ETV3: variants seen among roughly 807,000 people sequenced by gnomAD.
ETV3 encodes ETS variant transcription factor 3.
A neutral mutation model predicts 33.0 loss-of-function variants in ETV3; 8 were observed. The observed-to-expected ratio is 0.24, with a 90% CI of 0.14 to 0.44. The LOEUF is 0.44. ETV3 is among the 20% of genes least tolerant of loss of function. The pLI is 1.00. For synonymous variants in ETV3, 222 were observed against 238.9 expected, an observed-to-expected ratio of 0.93 and a Z score of 0.65; for missense variants, 473 against 652.3, an observed-to-expected ratio of 0.73 and a Z score of 2.99.
At position 157,125,085 on chromosome 1, in the gene ETV3, C is replaced by T; in HGVS notation, c.1295G>A (p.Trp432Ter). The T allele has an allele frequency of 6.5e-7, 1 of 1,545,926 alleles. No individual in the cohort carries two copies. Among genetic ancestry groups the T allele is most frequent in the Non-Finnish European group, 8.7e-7 (1 of 1,143,924 alleles). ...TGGGGTGCTAATGGGCACAGAGGGCCAGATGGGTGGTGCAGCAGGACGGGC... is the reference window on the plus strand; with the variant it reads ...TGGGGTGCTAATGGGCACAGAGGGCTAGATGGGTGGTGCAGCAGGACGGGC... ...IFARPAAPPI[W>*]PSVPISTPSG... Residue 432 changes from tryptophan to a stop codon, truncating the protein, a stop_gained, in exon 5 of 5, where the codon TGG becomes TAG. Coordinates refer to ENST00000368192, the MANE Select transcript of ETV3 (RefSeq NM_001145312.3). LOFTEE classifies it high-confidence loss of function. The surrounding 1 kb of genome is among the most constrained non-coding windows in gnomAD (Gnocchi z 4.0).
At chr1:157,133,529 AG>A (rs1346423407) in intron 4 of ETV3, 1 of 985,884 alleles carries the variant, frequency 1.0e-6, no homozygotes, top group Non-Finnish European at 1.2e-6. Context: ...AGGAAAGTCA[AG>A]AGGGGAAGCC....
At chr1:157,131,976 CTTTA>C (rs1181225557) in intron 4 of ETV3, among the ~76,000 whole-genome samples, 1 of 152,200 alleles carries the variant, frequency 6.6e-6, no homozygotes, top group African/African-American at 2.4e-5. Context: ...TTTCCTTGTG[CTTTA>C]TTGAGACTGA....
At chr1:157,128,774 ATGAC>A (rs1242980232) in intron 4 of ETV3, 1 of 156,924 alleles carries the variant, frequency 6.4e-6, no homozygotes, top group African/African-American at 2.4e-5. Flanking sequence ...CAGATCATGA[ATGAC>A]TGACAGATTT....
chr1:157,133,692 C>T, intron 4 of ETV3: 1 of 994,190 alleles, frequency 1.0e-6, no homozygotes, highest in Non-Finnish European at 1.2e-6. Flanking sequence ...ATGATATTCA[C>T]TTGATAAGGG....
rs974807290 is a variant in ETV3, at chr1:157,138,298, G to A, written c.-14+18C>T. 3.3e-5 allele frequency: 5 copies of A among 152,126 alleles called. No homozygotes were observed. The highest frequency in any genetic ancestry group is 7.2e-5 in the African/African-American group (3 of 41,426). 9.4% of individuals were successfully genotyped at this position (152,126 alleles called of 1,614,324 possible). On this transcript the variant is annotated intron_variant, in intron 1 of 4. Transcript: ENST00000368192. ...CCAACCCAGACACCCCGGCGGCCGA[G>A]GCGAGGCCGGGACTCACCTCTTCCC...
chr1:157,135,695 A>T lies in ETV3; in HGVS notation c.60T>A (p.Pro20=). The change falls in exon 3 of 5, where the codon CCT becomes CCA. Residue 20 remains proline (P), a synonymous_variant. Transcript: ENST00000368192. ...KPEGGGGYQF[P]DWAYKTESSP... Reference sequence around the variant, plus strand: ...ATGACTCTGTTTTGTAGGCCCAGTCAGGAAACTGATACCCTTTCATGTGAG... The same window carrying T: ...ATGACTCTGTTTTGTAGGCCCAGTCTGGAAACTGATACCCTTTCATGTGAG... 2 of 1,614,224 alleles carry T rather than the reference A, an allele frequency of 1.2e-6. No homozygotes were observed. The highest frequency in any genetic ancestry group is 1.7e-6 in the Non-Finnish European group (2 of 1,180,034).
rs895140896 is a variant in ETV3, at chr1:157,124,613, C to T, written c.*228G>A. 1 of 446,846 alleles carries T rather than the reference C, an allele frequency of 2.2e-6. No individual in the cohort carries two copies. Among genetic ancestry groups the T allele is most frequent in the African/African-American group, 2.0e-5 (1 of 49,974 alleles). The allele number at this position is 446,846 out of a possible 1,614,324, so 27.7% of individuals were successfully genotyped here. ...ATAGAGGCTCCTTCTCCTTTGAGTT[C>T]AATACCCTCCCTGTGTCCTACTCAC... On this transcript the variant is annotated 3_prime_UTR_variant, in exon 5 of 5. Transcript: ENST00000368192.
rs569807879 is a variant in ETV3, at chr1:157,136,054, A to C, written c.46+253T>G. 5.3e-5 allele frequency among the ~76,000 whole-genome samples: 8 copies of C among 152,320 alleles called. No homozygotes were observed. The East Asian group carries it at 1.5e-3, about 29-fold the overall frequency. ...AATGTTTCAGGAAAATACAGCTGAA[A>C]ACTCCTTTTCCCTAAGGTTGGAACT... On this transcript the variant is annotated intron_variant, in intron 2 of 4. Coordinates refer to ENST00000368192, the MANE Select transcript of ETV3 (RefSeq NM_001145312.3).
intron 1 of ETV3, among the ~76,000 whole-genome samples, chr1:157,137,509 AACACACACACAC>A (rs10567825): frequency 4.8e-5 from 7 of 145,090 alleles, no homozygotes; most frequent in South Asian, 4.5e-4. Context: ...GACAAGGAAA[AACACACACACAC>A]ACACACACAC....
At chr1:157,126,508 A>G (rs60800980) in intron 4 of ETV3, among the ~76,000 whole-genome samples, 5,276 of 152,326 alleles carry the variant, frequency 0.035, 280 homozygotes, top group African/African-American at 0.12. Flanking sequence ...CTGAAATATA[A>G]ACATTCGAGA....
chr1:157,122,770 A>C lies in ETV3; in HGVS notation c.*2071T>G, dbSNP rs1204135378. 1 of 152,266 alleles carries C rather than the reference A, an allele frequency of 6.6e-6. No homozygotes were observed. Among genetic ancestry groups the C allele is most frequent in the South Asian group, 2.1e-4 (1 of 4,832 alleles). 9.4% of individuals were successfully genotyped at this position (152,266 alleles called of 1,614,324 possible). A position where few individuals can be genotyped will look rare whatever the true frequency, so the allele number is the denominator to read the frequency against. ...TGCTTTCTGATTCAGAGGTAAGTCG[A>C]AGTGCAGAGAAAGAAACTTACAAAA... On this transcript the variant is annotated 3_prime_UTR_variant, in exon 5 of 5. Coordinates refer to ENST00000368192, the MANE Select transcript of ETV3 (RefSeq NM_001145312.3).
rs537192457 is a variant in ETV3 at position 157,136,074 on chromosome 1, G to A, written c.46+233C>T. Among the ~76,000 whole-genome samples, 3 of 152,302 alleles carry A rather than the reference G, an allele frequency of 2.0e-5. No homozygotes were observed. In the South Asian group the frequency reaches 6.2e-4, roughly 32 times the overall value. Reference sequence around the variant, plus strand: ...CTGAAAACTCCTTTTCCCTAAGGTTGGAACTGTGTCTCTGACAGCAAAGAG... The same window carrying A: ...CTGAAAACTCCTTTTCCCTAAGGTTAGAACTGTGTCTCTGACAGCAAAGAG... On this transcript the variant is annotated intron_variant, in intron 2 of 4. Coordinates refer to ENST00000368192, the MANE Select transcript of ETV3 (RefSeq NM_001145312.3).
rs1464561078 is a variant in ETV3 at position 157,124,838 on chromosome 1, G to A, written c.*3C>T. On this transcript the variant is annotated 3_prime_UTR_variant, in exon 5 of 5. Transcript: ENST00000368192. Reference sequence around the variant, plus strand: ...ATAAACAGCTCCTAATCCACTTCCAGTTCTAAGCATCAGCAGCTGCTGTTG... The same window carrying A: ...ATAAACAGCTCCTAATCCACTTCCAATTCTAAGCATCAGCAGCTGCTGTTG... The A allele has an allele frequency of 1.3e-5, 18 of 1,398,502 alleles. No homozygotes were observed. Among genetic ancestry groups the A allele is most frequent in the Non-Finnish European group, 1.7e-5 (18 of 1,059,760 alleles). The allele number at this position is 1,398,502 out of a possible 1,614,324, so 86.6% of individuals were successfully genotyped here.
chr1:157,132,665 AC>A (rs1425003607), intron 4 of ETV3, among the ~76,000 whole-genome samples: 2 of 152,170 alleles, frequency 1.3e-5, no homozygotes, highest in African/African-American at 4.8e-5. Flanking sequence ...AGTGGCGAGT[AC>A]AGGTCTGATT....
At chr1:157,134,508 T>C (rs1327760238) in intron 3 of ETV3, among the ~76,000 whole-genome samples, 1 of 152,224 alleles carries the variant, frequency 6.6e-6, no homozygotes, top group Non-Finnish European at 1.5e-5. Context: ...TTCTTCTCCA[T>C]CTCTCTACAA....
intron 4 of ETV3, 147 bp from the exon 5 acceptor site, chr1:157,126,126 T>G (rs1571696327): frequency 2.8e-6 from 2 of 717,524 alleles, no homozygotes; most frequent in East Asian, 5.4e-5. Context: ...AACTTCCTAG[T>G]AACTACTGCT....
chr1:157,126,100 A>ATTGT, intron 4 of ETV3, 121 bp from the exon 5 acceptor site: 1 of 909,806 alleles, frequency 1.1e-6, no homozygotes, highest in Non-Finnish European at 1.6e-6. Context: ...AACTGGACTG[A>ATTGT]ATCCCACAGT....
At chr1:157,131,914 A>C (rs899296818) in intron 4 of ETV3, among the ~76,000 whole-genome samples, 2 of 152,242 alleles carry the variant, frequency 1.3e-5, no homozygotes, top group Admixed American at 6.5e-5. Context: ...CTAGGATGTG[A>C]GCAACCAGGT....
Position 157,135,723 on chromosome 1 carries a change from G to A in ETV3, c.47-15C>T. 1 of 1,613,370 alleles carries A rather than the reference G, an allele frequency of 6.2e-7. No homozygotes were observed. The highest frequency in any genetic ancestry group is 8.5e-7 in the Non-Finnish European group (1 of 1,179,356). ...AAACTGATACCCTTTCATGTGAGAA[G>A]GTCAAGATTAAGCTAGTTAAGAGGT... is the stretch of plus-strand genomic sequence containing the variant. On this transcript the variant is annotated splice_polypyrimidine_tract_variant and intron_variant, in intron 2 of 4. Coordinates refer to ENST00000368192, the MANE Select transcript of ETV3 (RefSeq NM_001145312.3).
Sources: gnomAD v4.1 joint callset for allele counts (sites outside exome capture counted in the v4.1 genomes callset) on GRCh38, gnomAD v4.1.1 for gene constraint, Gnocchi (gnomAD v3.1) non-coding constraint, MANE v1.5 for transcripts, NCBI Gene and HGNC (gene_info 2026-07-23, HGNC 2026-07-21) for gene names.